SAMD4A: variants seen among roughly 807,000 people sequenced by gnomAD.
SAMD4A encodes the protein sterile alpha motif domain containing 4A.
In SAMD4A, 33 loss-of-function variants were observed where a neutral mutation model predicts 81.3. The ratio of observed to expected loss-of-function variants is 0.41; its 90% confidence interval spans 0.31 to 0.54. The LOEUF (loss-of-function observed/expected upper bound fraction) is 0.54. Among genes scored for constraint, SAMD4A ranks in the 20% least tolerant of loss-of-function variants. The probability of loss-of-function intolerance (pLI) is 0.37; values close to 1 mark genes in which losing one functional copy is unlikely to be tolerated. For missense variants in SAMD4A, 854 were observed against 951.1 expected (o/e 0.90, Z 1.34); for synonymous variants, 389 against 382.1 (o/e 1.02, Z -0.21).
chr14:54,631,051 G>T lies in SAMD4A; in HGVS notation c.196+62939G>T, dbSNP rs1270929206. Among the ~76,000 whole-genome samples, 3 of 151,832 alleles carry T rather than the reference G, an allele frequency of 2.0e-5. No individual in the cohort carries two copies. In the East Asian group the frequency reaches 5.8e-4, roughly 29 times the overall value. ...CAGGAGAGCTGATGGTGTAGTTCCAGTCCAAGGGCTGATGGGCTCAAAACA... is the reference window on the plus strand; with the variant it reads ...CAGGAGAGCTGATGGTGTAGTTCCATTCCAAGGGCTGATGGGCTCAAAACA... On this transcript the variant is annotated intron_variant, in intron 2 of 12. Coordinates refer to ENST00000554335, the MANE Select transcript of SAMD4A (RefSeq NM_015589.6).
At chr14:54,626,150 T>C (rs2034759274) in intron 2 of SAMD4A, among the ~76,000 whole-genome samples, 1 of 150,908 alleles carries the variant, frequency 6.6e-6, no homozygotes, top group Admixed American at 6.6e-5. Context: ...TTCCAGGAGG[T>C]CAGGAAAAAT....
intron 2 of SAMD4A, among the ~76,000 whole-genome samples, chr14:54,640,157 A>C (rs2035139822): frequency 6.6e-6 from 1 of 152,094 alleles, no homozygotes; most frequent in African/African-American, 2.4e-5. Flanking sequence ...AACCAAACCT[A>C]CAACCAGGCC....
chr14:54,657,440 C>G lies in SAMD4A; in HGVS notation c.197-44622C>G, dbSNP rs186589080. On this transcript the variant is annotated intron_variant, in intron 2 of 12. Coordinates refer to ENST00000554335, the MANE Select transcript of SAMD4A (RefSeq NM_015589.6). ...AGCTAGAATTAACGATGTAATTGGGCTGTTTACTTATTTTTTTTGTTCATC... is the reference window on the plus strand; with the variant it reads ...AGCTAGAATTAACGATGTAATTGGGGTGTTTACTTATTTTTTTTGTTCATC... Among the ~76,000 whole-genome samples, 198 of 152,284 alleles carry G rather than the reference C, an allele frequency of 1.3e-3. 1 individual carries two copies. Among genetic ancestry groups the G allele is most frequent in the African/African-American group, 4.5e-3 (187 of 41,550 alleles).
intron 2 of SAMD4A, among the ~76,000 whole-genome samples, chr14:54,665,138 G>T (rs1434556418): frequency 6.6e-6 from 1 of 152,134 alleles, no homozygotes; most frequent in Non-Finnish European, 1.5e-5. Flanking sequence ...TGTTAACAGA[G>T]GTATTTGAGA....
intron 9 of SAMD4A, 96 bp from the exon 10 acceptor site, chr14:54,774,836 TGA>T (rs2038798282): frequency 5.6e-6 from 5 of 893,990 alleles, no homozygotes; most frequent in Admixed American, 6.2e-5. Context: ...AAAAAAAAAA[TGA>T]GGAGACCTCC....
chr14:54,782,080 CA>C (rs2039012345), intron 11 of SAMD4A, among the ~76,000 whole-genome samples: 1 of 152,162 alleles, frequency 6.6e-6, no homozygotes, highest in Non-Finnish European at 1.5e-5. Flanking sequence ...AAAGAGCAGC[CA>C]CGAAGGTTTG....
At chr14:54,662,747 C>T (rs181294107) in intron 2 of SAMD4A, among the ~76,000 whole-genome samples, 8 of 152,232 alleles carry the variant, frequency 5.3e-5, no homozygotes, top group Non-Finnish European at 7.4e-5. Flanking sequence ...TTACATCCGT[C>T]ACAAGGGAGG....
intron 2 of SAMD4A, chr14:54,694,564 C>G (rs2036531758): frequency 1.1e-6 from 1 of 944,956 alleles, no homozygotes; most frequent in Non-Finnish European, 1.3e-6. Flanking sequence ...GAGTGTGAAT[C>G]TGGGGCTCAG....
At chr14:54,640,532 C>T (rs978707933) in intron 2 of SAMD4A, among the ~76,000 whole-genome samples, 2 of 152,128 alleles carry the variant, frequency 1.3e-5, no homozygotes, top group African/African-American at 2.4e-5. Flanking sequence ...TATTCTGGTT[C>T]GATTCTGGAG....
chr14:54,602,816 C>G (rs148220430), intron 2 of SAMD4A, among the ~76,000 whole-genome samples: 1 of 148,940 alleles, frequency 6.7e-6, no homozygotes, highest in Non-Finnish European at 1.5e-5. Context: ...AAAAGACATT[C>G]GCCTTCTTAC....
Position 54,580,939 on chromosome 14 carries a change from A to G in SAMD4A, c.196+12827A>G, listed in dbSNP as rs150070977. ...TAGGTTGTGAGATAAATCTAAGTGC[A>G]TACAGATTGATTAACAAAACAGGTC... On this transcript the variant is annotated intron_variant, in intron 2 of 12. Transcript: ENST00000554335. Among the ~76,000 whole-genome samples the G allele has an allele frequency of 1.4e-3, 217 of 152,358 alleles. 1 individual carries two copies. The highest frequency in any genetic ancestry group is 4.6e-3 in the African/African-American group (192 of 41,586).
Position 54,626,529 on chromosome 14 carries a change from C to T in SAMD4A, c.196+58417C>T, listed in dbSNP as rs191735677. Among the ~76,000 whole-genome samples the T allele has an allele frequency of 5.9e-5, 9 of 152,268 alleles. No homozygotes were observed. The East Asian group carries it at 1.7e-3, about 29-fold the overall frequency. ...ACAGGTGTTCGGTACCTTGTGGATA[C>T]GTTGCTGATTGCTAGGTGATGGCCA... On this transcript the variant is annotated intron_variant, in intron 2 of 12. Transcript: ENST00000554335.
At chr14:54,784,150 TG>T in intron 11 of SAMD4A, 1 of 571,340 alleles carries the variant, frequency 1.8e-6, no homozygotes, top group East Asian at 3.0e-5. Flanking sequence ...GGAGGGGGCC[TG>T]GGGCAGAGCA....
At chr14:54,669,467 TAGA>T (rs1389731177) in intron 2 of SAMD4A, among the ~76,000 whole-genome samples, 1 of 149,110 alleles carries the variant, frequency 6.7e-6, no homozygotes, top group Non-Finnish European at 1.5e-5. Flanking sequence ...TTTTTTTTTT[TAGA>T]GAGAGACAGG....
intron 2 of SAMD4A, among the ~76,000 whole-genome samples, chr14:54,624,239 C>T (rs1215828752): frequency 1.3e-5 from 2 of 151,698 alleles, no homozygotes; most frequent in African/African-American, 2.4e-5. Context: ...TCCCAAAGTG[C>T]TGGGATTACA....
intron 2 of SAMD4A, among the ~76,000 whole-genome samples, chr14:54,610,394 C>T (rs998125711): frequency 6.6e-6 from 1 of 152,174 alleles, no homozygotes; most frequent in Admixed American, 6.5e-5. Context: ...CCATTATAGT[C>T]GTCCCAGAAA....
chr14:54,676,356 CT>C (rs1303946443), intron 2 of SAMD4A, among the ~76,000 whole-genome samples: 1 of 152,006 alleles, frequency 6.6e-6, no homozygotes, highest in African/African-American at 2.4e-5. Flanking sequence ...GCTTTTAGTA[CT>C]TTCCTTTCTT....
intron 2 of SAMD4A, chr14:54,685,863 C>T (rs531038818): frequency 1.8e-4 from 80 of 456,648 alleles, no homozygotes; most frequent in African/African-American, 1.5e-3. Context: ...GGTGTCAGAT[C>T]AGCTTCAGTT....
At chr14:54,627,044 T>C (rs1190578880) in intron 2 of SAMD4A, among the ~76,000 whole-genome samples, 5 of 152,226 alleles carry the variant, frequency 3.3e-5, no homozygotes, top group Non-Finnish European at 5.9e-5. Flanking sequence ...TATAATCTTA[T>C]TCTGTAATTC....
Sources: allele counts gnomAD v4.1 joint callset (sites outside exome capture counted in the v4.1 genomes callset), GRCh38; gene constraint gnomAD v4.1.1; transcripts MANE v1.5; gene names NCBI Gene and HGNC (gene_info 2026-07-23, HGNC 2026-07-21).